NHS: variants seen among roughly 807,000 people sequenced by gnomAD.
The protein encoded by NHS is NHS actin remodeling regulator, also known as actin remodeling regulator NHS.
In NHS, 5 loss-of-function variants were observed where a neutral mutation model predicts 72.5. That is an observed-to-expected ratio of 0.07 (90% CI 0.04 to 0.14). The LOEUF (loss-of-function observed/expected upper bound fraction) is 0.14. Among genes scored for constraint, NHS ranks in the 10% least tolerant of loss-of-function variants. NHS has a pLI of 1.00. For synonymous variants in NHS, 464 were observed against 547.7 expected (o/e 0.85, Z 2.13); for missense variants, 1,072 against 1,355.7 (o/e 0.79, Z 3.29).
At chrX:17,527,553 C>T (rs1170750147) in intron 1 of NHS, among the ~76,000 whole-genome samples, 2 of 112,396 alleles carry the variant, frequency 1.8e-5, no homozygotes, top group Admixed American at 1.9e-4. Context: ...CTTGCGTAAA[C>T]CCCTCTGCAG....
In NHS at chrX:17,447,785, GCACACACA is replaced by G. The variant is rs58710651; in HGVS notation, c.565+71490_565+71497del. Among the ~76,000 whole-genome samples the G allele has an allele frequency of 8.4e-4, 75 of 89,664 alleles. 1 individual carries two copies. The South Asian group carries it at 0.028, about 34-fold the overall frequency. 77.9% of individuals were successfully genotyped at this position (89,664 alleles called of 115,157 possible). On this transcript the variant is annotated intron_variant, in intron 1 of 8. Transcript: ENST00000676302. ...CACACACACACACGCACACACACAC[GCACACACA>G]CACACACACACACACACACACACAC...
At chrX:17,396,957 T>TA (rs200670205) in intron 1 of NHS, among the ~76,000 whole-genome samples, 2 of 110,519 alleles carry the variant, frequency 1.8e-5, no homozygotes, top group East Asian at 2.8e-4. Context: ...TTCCCCACCT[T>TA]AAAAAAAAAG....
intron 1 of NHS, among the ~76,000 whole-genome samples, chrX:17,539,437 G>C (rs2065251795): frequency 1.8e-5 from 2 of 109,975 alleles, no homozygotes; most frequent in African/African-American, 6.6e-5. Flanking sequence ...AGCTTCATGG[G>C]GTCAGAGACC....
chrX:17,695,866 C>T (rs2066225878), intron 3 of NHS, among the ~76,000 whole-genome samples: 1 of 105,507 alleles, frequency 9.5e-6, no homozygotes, highest in Non-Finnish European at 1.9e-5. Flanking sequence ...AATTAAAGCC[C>T]ATCTAAGAGT....
intron 1 of NHS, among the ~76,000 whole-genome samples, chrX:17,461,833 G>A (rs920806413): frequency 3.6e-5 from 4 of 112,662 alleles, no homozygotes; most frequent in Non-Finnish European, 7.5e-5. Context: ...CTGGCCATTG[G>A]TCAGGGTGAC....
chrX:17,697,868 G>A (rs2066240357), intron 3 of NHS, among the ~76,000 whole-genome samples: 1 of 103,972 alleles, frequency 9.6e-6, no homozygotes, highest in Non-Finnish European at 2.0e-5. Context: ...GTAAAGGCTT[G>A]AATAATAAAA....
intron 1 of NHS, among the ~76,000 whole-genome samples, chrX:17,520,913 A>T (rs2065145151): frequency 1.8e-5 from 2 of 111,103 alleles, no homozygotes; most frequent in South Asian, 7.6e-4. Flanking sequence ...ATCGTCAGGG[A>T]GCTCATTAGA....
intron 2 of NHS, among the ~76,000 whole-genome samples, chrX:17,688,551 A>C (rs1016653175): frequency 2.7e-5 from 3 of 111,534 alleles, no homozygotes; most frequent in African/African-American, 9.8e-5. Context: ...TTCTCTTGAG[A>C]ACCAGTGATC....
intron 1 of NHS, among the ~76,000 whole-genome samples, chrX:17,530,712 C>T (rs2065194291): frequency 8.9e-6 from 1 of 112,188 alleles, no homozygotes; most frequent in African/African-American, 3.2e-5. Context: ...ACACAGATTG[C>T]TCAGCCTTAC....
rs1395244967 is a variant in NHS at position 17,470,130 on chromosome X, G to A, written c.565+93808G>A. ...AACCCTGCAAATCAACTCTATGAGAGAGGCGTGTTCTTATCCCTATTTACA... is the reference window on the plus strand; with the variant it reads ...AACCCTGCAAATCAACTCTATGAGAAAGGCGTGTTCTTATCCCTATTTACA... On this transcript the variant is annotated intron_variant, in intron 1 of 8. Coordinates refer to ENST00000676302, the MANE Select transcript of NHS (RefSeq NM_001291867.2). Among the ~76,000 whole-genome samples, 3 of 110,666 alleles carry A rather than the reference G, an allele frequency of 2.7e-5. No homozygotes were observed. The Admixed American group carries it at 2.9e-4, about 11-fold the overall frequency.
At chrX:17,630,962 T>C (rs1405813982) in intron 1 of NHS, among the ~76,000 whole-genome samples, 1 of 112,138 alleles carries the variant, frequency 8.9e-6, no homozygotes, top group East Asian at 2.8e-4. Flanking sequence ...TGTTTGGTAA[T>C]TTTAATGCAG....
chrX:17,376,686 G>T (rs1006641543), intron 1 of NHS, among the ~76,000 whole-genome samples: 1 of 112,615 alleles, frequency 8.9e-6, no homozygotes, highest in Non-Finnish European at 1.9e-5. Context: ...CCTTCACGGG[G>T]CGTAGGGAGG....
At chrX:17,527,414 C>T (rs1476113008) in intron 1 of NHS, among the ~76,000 whole-genome samples, 7 of 113,230 alleles carry the variant, frequency 6.2e-5, no homozygotes, top group African/African-American at 1.9e-4. Context: ...CAGTGACTGA[C>T]GCCAAATGCC....
intron 1 of NHS, among the ~76,000 whole-genome samples, chrX:17,619,643 G>A (rs1397908216): frequency 8.9e-6 from 1 of 112,098 alleles, no homozygotes; most frequent in Non-Finnish European, 1.9e-5. Context: ...TTTATCTGGG[G>A]CAGATGCAAC....
At chrX:17,635,454 C>CCCCCG in intron 1 of NHS, 2 of 1,166,096 alleles carry the variant, frequency 1.7e-6, no homozygotes, top group Admixed American at 5.2e-5. Flanking sequence ...CCCTCCATCC[C>CCCCCG]CCCCGCCGTG....
chrX:17,636,233 C>T (rs1056766236), intron 1 of NHS, among the ~76,000 whole-genome samples: 4 of 112,481 alleles, frequency 3.6e-5, no homozygotes, highest in South Asian at 3.7e-4. Context: ...CCCAACCTCT[C>T]GTTTCTGTTA....
intron 1 of NHS, among the ~76,000 whole-genome samples, chrX:17,580,048 A>G (rs1014404759): frequency 1.8e-5 from 2 of 110,572 alleles, no homozygotes; most frequent in Non-Finnish European, 3.8e-5. Context: ...TCCTAGAATT[A>G]CCCAAATCAT....
At chrX:17,484,827 T>G (rs775425423) in intron 1 of NHS, among the ~76,000 whole-genome samples, 1 of 110,516 alleles carries the variant, frequency 9.0e-6, no homozygotes, top group South Asian at 3.9e-4. Context: ...GGTGAGTTGT[T>G]TGCTATCTCT....
chrX:17,616,208 A>C (rs2065746149), intron 1 of NHS, among the ~76,000 whole-genome samples: 1 of 112,491 alleles, frequency 8.9e-6, no homozygotes. Context: ...AAGTTGAGAC[A>C]CTGTCACTTC....
Sources: allele counts gnomAD v4.1 joint callset (sites outside exome capture counted in the v4.1 genomes callset), GRCh38; gene constraint gnomAD v4.1.1; transcripts MANE v1.5; gene names NCBI Gene and HGNC (gene_info 2026-07-23, HGNC 2026-07-21).